Variants in CA10 observed in about 807,000 individuals in gnomAD.
The protein encoded by CA10 is carbonic anhydrase 10 (inactive), also known as carbonic anhydrase-related protein 10.
CA10 carries 14 observed loss-of-function variants against 44.2 expected under a neutral mutation model. The observed-to-expected ratio is 0.32, with a 90% CI of 0.21 to 0.50. CA10 has a LOEUF of 0.50. Among genes scored for constraint, CA10 ranks in the 20% least tolerant of loss-of-function variants. The pLI is 0.99. For missense variants in CA10, 350 were observed against 409.7 expected (o/e 0.85, Z 1.26); for synonymous variants, 159 against 141.6 (o/e 1.12, Z -0.87).
chr17:51,971,312 A>T (rs767005752), intron 2 of CA10, among the ~76,000 whole-genome samples: 5 of 152,122 alleles, frequency 3.3e-5, no homozygotes, highest in Non-Finnish European at 7.4e-5. Flanking sequence ...AAGAGCAGAA[A>T]AATCATATGG....
intron 5 of CA10, among the ~76,000 whole-genome samples, chr17:51,651,872 A>G (rs1351651213): frequency 2.6e-5 from 4 of 152,166 alleles, no homozygotes; most frequent in Non-Finnish European, 5.9e-5. Context: ...GAGCTCCTGG[A>G]CACACATGAC....
intron 3 of CA10, among the ~76,000 whole-genome samples, chr17:51,749,446 G>C (rs1050550514): frequency 1.3e-5 from 2 of 152,234 alleles, no homozygotes; most frequent in African/African-American, 2.4e-5. Flanking sequence ...AGTGAGGAGA[G>C]CCATCCCAGG....
At chr17:51,781,909 T>C (rs904734993) in intron 3 of CA10, among the ~76,000 whole-genome samples, 2 of 152,236 alleles carry the variant, frequency 1.3e-5, no homozygotes, top group African/African-American at 4.8e-5. Flanking sequence ...TTATTATTCC[T>C]ATTTTGTAGA....
At chr17:52,012,485 T>C (rs1031488925) in intron 2 of CA10, among the ~76,000 whole-genome samples, 2 of 152,062 alleles carry the variant, frequency 1.3e-5, no homozygotes, top group East Asian at 3.9e-4. Context: ...ATATCTATTA[T>C]ATGCAAAGGT....
At chr17:52,119,522 C>A (rs150623493) in intron 1 of CA10, among the ~76,000 whole-genome samples, 9 of 152,136 alleles carry the variant, frequency 5.9e-5, no homozygotes, top group African/African-American at 1.9e-4. Context: ...TGTTCTTGGA[C>A]CTCAAGAAGA....
At chr17:52,136,538 C>G (rs1474794872) in intron 1 of CA10, among the ~76,000 whole-genome samples, 1 of 152,160 alleles carries the variant, frequency 6.6e-6, no homozygotes, top group Non-Finnish European at 1.5e-5. Flanking sequence ...CCTACGCACC[C>G]TAACTACTCA....
chr17:51,741,174 A>G (rs941604828), intron 4 of CA10, among the ~76,000 whole-genome samples: 1 of 152,160 alleles, frequency 6.6e-6, no homozygotes, highest in African/African-American at 2.4e-5. Context: ...GCAGCCACCT[A>G]TGGGCATGAC....
chr17:51,914,478 CAGGGAAG>C (rs1234600679), intron 3 of CA10, among the ~76,000 whole-genome samples: 27 of 152,202 alleles, frequency 1.8e-4, no homozygotes, highest in African/African-American at 6.0e-4. Context: ...GCCACCTTGC[CAGGGAAG>C]AGAGCAATGG....
At chr17:51,770,823 CTT>C (rs1905577721) in intron 3 of CA10, among the ~76,000 whole-genome samples, 2 of 151,974 alleles carry the variant, frequency 1.3e-5, no homozygotes, top group Admixed American at 1.3e-4. Context: ...GTGCCACACA[CTT>C]TTACAAAGAC....
At chr17:52,035,237 G>A (rs1279233144) in intron 2 of CA10, among the ~76,000 whole-genome samples, 1 of 152,162 alleles carries the variant, frequency 6.6e-6, no homozygotes, top group African/African-American at 2.4e-5. Context: ...GAGAGGAGGA[G>A]CAGCTGGATG....
chr17:52,059,230 T>C (rs1987310153), intron 2 of CA10, among the ~76,000 whole-genome samples: 1 of 152,162 alleles, frequency 6.6e-6, no homozygotes, highest in South Asian at 2.1e-4. Flanking sequence ...TATTCCTTAA[T>C]GCTGCTAACT....
chr17:51,898,867 T>A (rs571834514), intron 3 of CA10, among the ~76,000 whole-genome samples: 3 of 152,202 alleles, frequency 2.0e-5, no homozygotes, highest in South Asian at 2.1e-4. Context: ...CTGAGGTTTT[T>A]TTTAATATTT....
chr17:52,013,479 C>T (rs1434276132), intron 2 of CA10, among the ~76,000 whole-genome samples: 23 of 151,706 alleles, frequency 1.5e-4, no homozygotes, highest in Admixed American at 1.5e-3. Flanking sequence ...TAAACAACAG[C>T]TATGATTAGC....
intron 3 of CA10, among the ~76,000 whole-genome samples, chr17:51,828,117 G>C (rs908550542): frequency 6.6e-6 from 1 of 152,214 alleles, no homozygotes; most frequent in African/African-American, 2.4e-5. Context: ...AAGTCACTGA[G>C]ATTGTAGAAT....
chr17:51,663,825 T>C (rs1567794345), intron 4 of CA10, among the ~76,000 whole-genome samples: 1 of 152,228 alleles, frequency 6.6e-6, no homozygotes, highest in Non-Finnish European at 1.5e-5. Flanking sequence ...CCATTCACAC[T>C]TTGGGACTGT....
intron 3 of CA10, among the ~76,000 whole-genome samples, chr17:51,834,857 C>A (rs1425428111): frequency 6.6e-6 from 1 of 152,150 alleles, no homozygotes; most frequent in Non-Finnish European, 1.5e-5. Flanking sequence ...TGGCAACCAT[C>A]CTAGTGTCAT....
chr17:51,766,470 C>T (rs990186049), intron 3 of CA10, among the ~76,000 whole-genome samples: 7 of 152,134 alleles, frequency 4.6e-5, no homozygotes, highest in Non-Finnish European at 1.0e-4. Flanking sequence ...GAAAGGACAG[C>T]TCCTGGGGTC....
intron 1 of CA10, among the ~76,000 whole-genome samples, chr17:52,084,624 A>G (rs1453838094): frequency 1.3e-5 from 2 of 151,978 alleles, no homozygotes; most frequent in African/African-American, 4.8e-5. Context: ...TGGATTTTTT[A>G]TTCCAGTTCC....
At chr17:51,944,547 CAAT>C (rs1176990077) in intron 2 of CA10, among the ~76,000 whole-genome samples, 2 of 152,048 alleles carry the variant, frequency 1.3e-5, no homozygotes, top group Non-Finnish European at 2.9e-5. Flanking sequence ...AAATGTGCAA[CAAT>C]AATAGGGGAA....
Sources: allele counts gnomAD v4.1 joint callset (sites outside exome capture counted in the v4.1 genomes callset), GRCh38; gene constraint gnomAD v4.1.1; transcripts MANE v1.5; gene names NCBI Gene and HGNC (gene_info 2026-07-23, HGNC 2026-07-21).